STK10: variants seen among roughly 807,000 people sequenced by gnomAD.
The protein encoded by STK10 is serine/threonine-protein kinase 10.
In STK10, 78 loss-of-function variants were observed where a neutral mutation model predicts 113.8. The observed-to-expected ratio is 0.69, with a 90% CI of 0.57 to 0.83. The LOEUF (loss-of-function observed/expected upper bound fraction) is 0.83, where lower values mean the gene tolerates loss of function less well. Among genes scored for constraint, STK10 ranks in the 40% least tolerant of loss-of-function variants. STK10 has a pLI of 0.00. For synonymous variants in STK10, 465 were observed against 494.7 expected (o/e 0.94, Z 0.80); for missense variants, 1,109 against 1,280.1 (o/e 0.87, Z 2.04).
intron 4 of STK10, among the ~76,000 whole-genome samples, chr5:172,108,613 CA>C (rs1184891478): frequency 0.064 from 4,132 of 64,880 alleles, 189 homozygotes; most frequent in African/African-American, 0.18. Context: ...GAGACTGTCT[CA>C]AAAAAAAAAA....
chr5:172,146,148 GT>G (rs1770082492), intron 2 of STK10, among the ~76,000 whole-genome samples: 1 of 152,222 alleles, frequency 6.6e-6, no homozygotes, highest in Non-Finnish European at 1.5e-5. Flanking sequence ...CCTGTAGAAT[GT>G]AAATTTCCAG....
intron 7 of STK10, among the ~76,000 whole-genome samples, chr5:172,104,994 C>T (rs1420130924): frequency 6.6e-6 from 1 of 152,156 alleles, no homozygotes; most frequent in Non-Finnish European, 1.5e-5. Flanking sequence ...CCACACACCT[C>T]CTCCTTGGGC....
Position 172,069,747 on chromosome 5 carries a change from T to A in STK10, c.1990-4935A>T, listed in dbSNP as rs115723900. 1.5e-3 allele frequency among the ~76,000 whole-genome samples: 221 copies of A among 152,278 alleles called. 1 individual carries two copies. The highest frequency in any genetic ancestry group is 5.1e-3 in the African/African-American group (214 of 41,554). On this transcript the variant is annotated intron_variant, in intron 12 of 18. Transcript: ENST00000176763. ...TTAACATTCCTTTCTCAGTAGCCAG[T>A]AGAACAAGTGGTCAGAAAATCAGTA...
intron 18 of STK10, among the ~76,000 whole-genome samples, chr5:172,046,522 C>T (rs540351920): frequency 2.2e-4 from 33 of 152,262 alleles, no homozygotes; most frequent in South Asian, 1.2e-3. Flanking sequence ...GGTTTAGTAA[C>T]TTGCCCAAGG....
At chr5:172,050,761 G>A (rs778624652) in intron 18 of STK10, among the ~76,000 whole-genome samples, 8 of 151,954 alleles carry the variant, frequency 5.3e-5, no homozygotes, top group Non-Finnish European at 1.0e-4. Flanking sequence ...CACCCAGGCG[G>A]GAGTGCAGTA....
chr5:172,098,903 C>A (rs1469605092), intron 7 of STK10, among the ~76,000 whole-genome samples: 1 of 151,504 alleles, frequency 6.6e-6, no homozygotes, highest in African/African-American at 2.4e-5. Context: ...ACCATCACCA[C>A]CACCATCACC....
intron 2 of STK10, among the ~76,000 whole-genome samples, chr5:172,128,047 C>T (rs902701450): frequency 2.0e-5 from 3 of 152,162 alleles, no homozygotes; most frequent in South Asian, 2.1e-4. Flanking sequence ...TACACCTACT[C>T]CACACTGACA....
At chr5:172,122,087 T>G (rs1040116206) in intron 3 of STK10, among the ~76,000 whole-genome samples, 1 of 152,060 alleles carries the variant, frequency 6.6e-6, no homozygotes, top group African/African-American at 2.4e-5. Flanking sequence ...AGGCTGGTCT[T>G]CAACTCCTGA....
intron 12 of STK10, among the ~76,000 whole-genome samples, chr5:172,081,620 G>A (rs1453552631): frequency 6.6e-6 from 1 of 152,094 alleles, no homozygotes; most frequent in East Asian, 1.9e-4. Flanking sequence ...CCTCTGGGAT[G>A]CCCCCGAATG....
At chr5:172,170,842 C>T (rs186980446) in intron 1 of STK10, among the ~76,000 whole-genome samples, 125 of 152,264 alleles carry the variant, frequency 8.2e-4, no homozygotes, top group African/African-American at 2.9e-3. Context: ...TGCAGGGGAC[C>T]GCTCCCACCT....
intron 4 of STK10, chr5:172,115,166 A>G (rs1205044792): frequency 6.6e-6 from 1 of 151,906 alleles, no homozygotes; most frequent in African/African-American, 2.4e-5. Flanking sequence ...ACGTGACCCC[A>G]CCCTCCGTGC....
intron 18 of STK10, among the ~76,000 whole-genome samples, chr5:172,051,909 G>A (rs1160325559): frequency 2.6e-5 from 4 of 152,242 alleles, no homozygotes; most frequent in South Asian, 2.1e-4. Flanking sequence ...ACAGGGCTTC[G>A]CAGAGAAAGA....
At chr5:172,141,757 G>A (rs1769976756) in intron 2 of STK10, among the ~76,000 whole-genome samples, 1 of 151,980 alleles carries the variant, frequency 6.6e-6, no homozygotes, top group African/African-American at 2.4e-5. Context: ...GCCTATATGC[G>A]CTCTCAGAGG....
intron 2 of STK10, among the ~76,000 whole-genome samples, chr5:172,132,645 C>T (rs759488870): frequency 6.6e-6 from 1 of 152,144 alleles, no homozygotes; most frequent in South Asian, 2.1e-4. Flanking sequence ...AGGTGGCTCA[C>T]GGTTTTCCTA....
intron 1 of STK10, among the ~76,000 whole-genome samples, chr5:172,172,705 C>A (rs111641047): frequency 0.2 from 30,658 of 152,104 alleles, 3,197 homozygotes; most frequent in Middle Eastern, 0.25. Context: ...AGTGGCCGGG[C>A]GCAGTGGCTC....
At chr5:172,070,946 G>T (rs1321916250) in intron 12 of STK10, among the ~76,000 whole-genome samples, 1 of 152,016 alleles carries the variant, frequency 6.6e-6, no homozygotes, top group East Asian at 1.9e-4. Flanking sequence ...GCCAGGGGCG[G>T]TGGTGTATCC....
intron 1 of STK10, among the ~76,000 whole-genome samples, chr5:172,177,119 G>C (rs1770774035): frequency 6.6e-6 from 1 of 151,886 alleles, no homozygotes; most frequent in Admixed American, 6.6e-5. Flanking sequence ...CATGCCGCCA[G>C]TGAGCCGCGA....
rs776129507 is a variant in STK10 at position 172,187,919 on chromosome 5, G to A, written c.124C>T (p.Leu42=). The A allele has an allele frequency of 3.2e-5, 51 of 1,613,180 alleles. No homozygotes were observed. Among genetic ancestry groups the A allele is most frequent in the Admixed American group, 2.2e-4 (13 of 59,964 alleles). ...PNEVWEIVGE[L]GDGAFGKVYK... is the part of the protein sequence containing the mutation. ...ACCTTGCCGAAGGCGCCGTCGCCCAGCTCGCCCACGATCTCCCACACCTCG... is the reference window on the plus strand; with the variant it reads ...ACCTTGCCGAAGGCGCCGTCGCCCAACTCGCCCACGATCTCCCACACCTCG... The change falls in exon 1 of 19, where the codon CTG becomes TTG. Residue 42 remains leucine (L), a synonymous_variant. Transcript: ENST00000176763. The surrounding 1 kb of genome is among the most constrained non-coding windows in gnomAD (Gnocchi z 4.6).
At chr5:172,049,097 G>A (rs1767569591) in intron 18 of STK10, among the ~76,000 whole-genome samples, 2 of 152,058 alleles carry the variant, frequency 1.3e-5, no homozygotes, top group African/African-American at 4.8e-5. Context: ...CCCCCATGCT[G>A]TTTCCCTCCC....
Sources: allele counts gnomAD v4.1 joint callset (sites outside exome capture counted in the v4.1 genomes callset), GRCh38; gene constraint gnomAD v4.1.1; non-coding constraint Gnocchi (gnomAD v3.1); transcripts MANE v1.5; gene names NCBI Gene and HGNC (gene_info 2026-07-23, HGNC 2026-07-21).